LUZP2: variants seen among roughly 807,000 people sequenced by gnomAD.
The protein encoded by LUZP2 is leucine zipper protein 2.
Under a neutral mutation model 51.6 loss-of-function variants are expected in LUZP2, and 52 were observed. The observed-to-expected ratio is 1.01, with a 90% confidence interval of 0.81 to 1.27. LUZP2 has a LOEUF of 1.27. LUZP2 is among the 50% of genes most tolerant of loss of function. The pLI, the probability that LUZP2 is intolerant of heterozygous loss-of-function variation, is 0.00. For synonymous variants in LUZP2, 154 were observed against 137.3 expected (o/e 1.12, Z -0.85); for missense variants, 436 against 395.4 (o/e 1.10, Z -0.87).
chr11:24,921,718 A>G (rs542488212), intron 7 of LUZP2, among the ~76,000 whole-genome samples: 1 of 152,312 alleles, frequency 6.6e-6, no homozygotes, highest in East Asian at 1.9e-4. Context: ...TAAAACATAT[A>G]CAGGAAGATG....
chr11:25,028,197 T>C (rs895999228), intron 9 of LUZP2, among the ~76,000 whole-genome samples: 1 of 152,216 alleles, frequency 6.6e-6, no homozygotes, highest in African/African-American at 2.4e-5. Flanking sequence ...TTATCCTTTC[T>C]TTGTGTTAAT....
At chr11:24,991,683 C>A (rs1590810398) in intron 9 of LUZP2, among the ~76,000 whole-genome samples, 1 of 152,034 alleles carries the variant, frequency 6.6e-6, no homozygotes, top group South Asian at 2.1e-4. Context: ...TACATTCCCG[C>A]CAGCAGTGTA....
chr11:24,570,447 A>G (rs1321921224), intron 1 of LUZP2, among the ~76,000 whole-genome samples: 1 of 152,066 alleles, frequency 6.6e-6, no homozygotes, highest in African/African-American at 2.4e-5. Flanking sequence ...TATTTCCTGT[A>G]ACAAAAGTAG....
At chr11:24,769,310 C>T (rs965451845) in intron 5 of LUZP2, among the ~76,000 whole-genome samples, 21 of 152,180 alleles carry the variant, frequency 1.4e-4, no homozygotes, top group African/African-American at 4.3e-4. Flanking sequence ...ATAAGTTCTG[C>T]GTCTTATTGC....
intron 7 of LUZP2, among the ~76,000 whole-genome samples, chr11:24,975,731 G>A (rs1278920842): frequency 6.6e-6 from 1 of 151,972 alleles, no homozygotes; most frequent in Non-Finnish European, 1.5e-5. Flanking sequence ...AAGGGGTGGA[G>A]GCAGGATTTG....
At chr11:24,751,459 C>T (rs1859585113) in intron 4 of LUZP2, 1 of 331,902 alleles carries the variant, frequency 3.0e-6, no homozygotes, top group Non-Finnish European at 4.3e-6. Flanking sequence ...CCTTAGAAAT[C>T]AATGGCAACA....
chr11:25,019,551 C>T (rs3943580), intron 9 of LUZP2, among the ~76,000 whole-genome samples: 88,885 of 151,808 alleles, frequency 0.59, 27,238 homozygotes, highest in African/African-American at 0.77. Context: ...TAAACATCTG[C>T]CTTATACTCC....
At chr11:24,822,928 T>G (rs1850402781) in intron 5 of LUZP2, among the ~76,000 whole-genome samples, 1 of 152,212 alleles carries the variant, frequency 6.6e-6, no homozygotes, top group Non-Finnish European at 1.5e-5. Context: ...TGAAGAAAAC[T>G]TGAAATTAAA....
chr11:24,616,113 A>G (rs1176297726), intron 1 of LUZP2, among the ~76,000 whole-genome samples: 4 of 151,636 alleles, frequency 2.6e-5, no homozygotes, highest in Non-Finnish European at 5.9e-5. Context: ...TTATACCAGT[A>G]TATAGTTTCA....
At chr11:24,804,737 G>C (rs1849803182) in intron 5 of LUZP2, among the ~76,000 whole-genome samples, 1 of 152,118 alleles carries the variant, frequency 6.6e-6, no homozygotes, top group African/African-American at 2.4e-5. Context: ...GGGGAGAAGG[G>C]GTGAAGGTCA....
chr11:25,032,250 A>G (rs184905017), intron 9 of LUZP2, among the ~76,000 whole-genome samples: 32 of 152,286 alleles, frequency 2.1e-4, no homozygotes, highest in Non-Finnish European at 4.3e-4. Context: ...CTTTAGGATA[A>G]TGAATTTGTG....
At chr11:24,658,101 G>C (rs1855875603) in intron 1 of LUZP2, among the ~76,000 whole-genome samples, 1 of 152,136 alleles carries the variant, frequency 6.6e-6, no homozygotes, top group Non-Finnish European at 1.5e-5. Context: ...CACCAAAAAA[G>C]AGCCCACATT....
chr11:24,729,903 T>C (rs1280940014), intron 2 of LUZP2, among the ~76,000 whole-genome samples: 1 of 151,880 alleles, frequency 6.6e-6, no homozygotes, highest in Non-Finnish European at 1.5e-5. Flanking sequence ...TAGATCCTAT[T>C]GTGACATCCC....
chr11:24,662,685 A>G (rs1200529732), intron 1 of LUZP2, among the ~76,000 whole-genome samples: 2 of 152,118 alleles, frequency 1.3e-5, no homozygotes, highest in African/African-American at 4.8e-5. Context: ...GATGATGATT[A>G]TGACACATTT....
chr11:25,011,718 T>C (rs1007900514), intron 9 of LUZP2, among the ~76,000 whole-genome samples: 4 of 152,112 alleles, frequency 2.6e-5, no homozygotes, highest in Admixed American at 2.6e-4. Context: ...TGATGCATAA[T>C]ATTTTACATA....
Position 24,748,074 on chromosome 11 carries a change from G to A in LUZP2, c.333+9772G>A, listed in dbSNP as rs369316787. Among the ~76,000 whole-genome samples, 29 of 152,222 alleles carry A rather than the reference G, an allele frequency of 1.9e-4. No individual in the cohort carries two copies. The East Asian group carries it at 5.4e-3, about 29-fold the overall frequency. On this transcript the variant is annotated intron_variant, in intron 4 of 11. Coordinates refer to ENST00000336930, the MANE Select transcript of LUZP2 (RefSeq NM_001009909.4). ...CCCTTCCCCCAGTTCTAACCAGGAGGCTTCTTATCCAATTCTAATTATTAC... is the reference window on the plus strand; with the variant it reads ...CCCTTCCCCCAGTTCTAACCAGGAGACTTCTTATCCAATTCTAATTATTAC...
chr11:24,807,587 A>G (rs1849893949), intron 5 of LUZP2, among the ~76,000 whole-genome samples: 1 of 152,164 alleles, frequency 6.6e-6, no homozygotes, highest in South Asian at 2.1e-4. Flanking sequence ...CAAAGAATGA[A>G]TAGTTGTGTA....
chr11:24,541,348 G>A (rs1851360274), intron 1 of LUZP2, among the ~76,000 whole-genome samples: 1 of 151,536 alleles, frequency 6.6e-6, no homozygotes, highest in South Asian at 2.1e-4. Context: ...ATTGCTGGCT[G>A]CTTGAAGGAG....
At chr11:24,566,340 T>A (rs796433428) in intron 1 of LUZP2, among the ~76,000 whole-genome samples, 3,636 of 147,900 alleles carry the variant, frequency 0.025, 96 homozygotes, top group African/African-American at 0.051. Context: ...TTTTTTTTTT[T>A]TTTTTTTTGA....
Sources: allele counts gnomAD v4.1 joint callset (sites outside exome capture counted in the v4.1 genomes callset), GRCh38; gene constraint gnomAD v4.1.1; transcripts MANE v1.5; gene names NCBI Gene and HGNC (gene_info 2026-07-23, HGNC 2026-07-21).